STXBP5L: variants seen among roughly 807,000 people sequenced by gnomAD.
STXBP5L encodes the protein syntaxin binding protein 5L, also known as syntaxin-binding protein 5-like.
Under a neutral mutation model 144.5 loss-of-function variants are expected in STXBP5L, and 65 were observed. That is an observed-to-expected ratio of 0.45 (90% CI 0.37 to 0.55). STXBP5L has a LOEUF of 0.55. STXBP5L is among the 20% of genes least tolerant of loss of function. STXBP5L has a pLI of 0.00. For missense variants in STXBP5L, 1,298 were observed against 1,405.5 expected, an observed-to-expected ratio of 0.92 and a Z score of 1.22; for synonymous variants, 505 against 469.6, an observed-to-expected ratio of 1.08 and a Z score of -0.97.
intron 3 of STXBP5L, among the ~76,000 whole-genome samples, chr3:120,971,128 A>C (rs543933294): frequency 6.6e-6 from 1 of 152,260 alleles, no homozygotes; most frequent in Admixed American, 6.6e-5. Flanking sequence ...CAGATTGAGC[A>C]TCTGGGCATT....
chr3:121,326,241 C>T (rs2044141486), intron 20 of STXBP5L, among the ~76,000 whole-genome samples: 5 of 151,920 alleles, frequency 3.3e-5, no homozygotes, highest in Admixed American at 2.6e-4. Flanking sequence ...CCTCTTTACC[C>T]AGTTGTATCT....
intron 19 of STXBP5L, among the ~76,000 whole-genome samples, chr3:121,304,790 CTTGA>C (rs140602499): frequency 0.015 from 2,254 of 151,706 alleles, 57 homozygotes; most frequent in African/African-American, 0.052. Context: ...ATCTAAAGCT[CTTGA>C]TTAAGACATT....
At chr3:121,030,915 A>G (rs1176044307) in intron 3 of STXBP5L, among the ~76,000 whole-genome samples, 2 of 152,162 alleles carry the variant, frequency 1.3e-5, no homozygotes, top group Non-Finnish European at 2.9e-5. Flanking sequence ...ATATTGGGTA[A>G]CTTACTGGGA....
intron 3 of STXBP5L, among the ~76,000 whole-genome samples, chr3:120,955,998 T>C (rs1013696961): frequency 2.0e-5 from 3 of 152,150 alleles, no homozygotes; most frequent in African/African-American, 7.2e-5. Context: ...AATTGGATAA[T>C]ATTCCATGGT....
At chr3:120,976,608 G>C (rs922889890) in intron 3 of STXBP5L, among the ~76,000 whole-genome samples, 1 of 151,850 alleles carries the variant, frequency 6.6e-6, no homozygotes, top group Non-Finnish European at 1.5e-5. Flanking sequence ...GTTTGCTCTT[G>C]CTTTTCTAGT....
chr3:121,335,494 C>A (rs1482592786), intron 20 of STXBP5L, among the ~76,000 whole-genome samples: 3 of 152,036 alleles, frequency 2.0e-5, no homozygotes, highest in East Asian at 3.9e-4. Context: ...ATAACCAAGG[C>A]AATTTTAATC....
intron 20 of STXBP5L, among the ~76,000 whole-genome samples, chr3:121,333,104 G>T (rs778775585): frequency 3.9e-5 from 6 of 152,022 alleles, no homozygotes; most frequent in South Asian, 2.1e-4. Flanking sequence ...TGAAACCAAA[G>T]GTCAATATGC....
intron 3 of STXBP5L, among the ~76,000 whole-genome samples, chr3:120,993,781 A>T (rs75015421): frequency 0.11 from 17,001 of 151,988 alleles, 1,044 homozygotes; most frequent in Non-Finnish European, 0.14. Context: ...TTTGCTACTC[A>T]GGCTCTTTTT....
At chr3:121,007,790 A>T (rs533768543) in intron 3 of STXBP5L, among the ~76,000 whole-genome samples, 1 of 152,008 alleles carries the variant, frequency 6.6e-6, no homozygotes, top group African/African-American at 2.4e-5. Context: ...TAGAAATTGT[A>T]ATGGTCAAAA....
At chr3:121,271,532 C>T (rs1442203043) in intron 18 of STXBP5L, among the ~76,000 whole-genome samples, 1 of 152,120 alleles carries the variant, frequency 6.6e-6, no homozygotes, top group East Asian at 1.9e-4. Context: ...TTGCCTCTAG[C>T]CCCTATCAGT....
chr3:121,090,211 A>C (rs1452928853), intron 5 of STXBP5L, among the ~76,000 whole-genome samples: 1 of 152,062 alleles, frequency 6.6e-6, no homozygotes, highest in African/African-American at 2.4e-5. Flanking sequence ...TGTATTTGAC[A>C]TTGGTCTGGC....
chr3:121,327,704 A>G (rs937790099), intron 20 of STXBP5L, among the ~76,000 whole-genome samples: 1 of 152,210 alleles, frequency 6.6e-6, no homozygotes, highest in Non-Finnish European at 1.5e-5. Context: ...ATTTTAGTGT[A>G]TAATTCTACA....
At chr3:121,039,779 A>C (rs1367175649) in intron 3 of STXBP5L, among the ~76,000 whole-genome samples, 1 of 151,958 alleles carries the variant, frequency 6.6e-6, no homozygotes, top group Non-Finnish European at 1.5e-5. Context: ...ATTACAACTA[A>C]TTAGGCCATT....
intron 2 of STXBP5L, among the ~76,000 whole-genome samples, chr3:120,951,805 G>A (rs1432829635): frequency 6.6e-6 from 1 of 152,106 alleles, no homozygotes; most frequent in African/African-American, 2.4e-5. Context: ...CCATTACGGG[G>A]TATATACCGA....
At chr3:121,337,404 T>C (rs2044544224) in intron 20 of STXBP5L, among the ~76,000 whole-genome samples, 1 of 143,710 alleles carries the variant, frequency 7.0e-6, no homozygotes, top group Admixed American at 7.2e-5. Flanking sequence ...GTTATTCTCA[T>C]GTTAGATAGA....
At chr3:121,371,880 C>T (rs1158719225) in intron 20 of STXBP5L, among the ~76,000 whole-genome samples, 1 of 152,222 alleles carries the variant, frequency 6.6e-6, no homozygotes, top group Non-Finnish European at 1.5e-5. Context: ...AATGCTTCAA[C>T]AACAATGGTG....
chr3:121,017,603 G>A (rs1160463369), intron 3 of STXBP5L, among the ~76,000 whole-genome samples: 1 of 152,152 alleles, frequency 6.6e-6, no homozygotes, highest in Admixed American at 6.5e-5. Context: ...AGGATATGAG[G>A]TTAATATATG....
chr3:121,338,606 A>AAAAAGAGAG (rs1559990724), intron 20 of STXBP5L, among the ~76,000 whole-genome samples: 2 of 149,402 alleles, frequency 1.3e-5, no homozygotes, highest in East Asian at 1.9e-4. Context: ...AAAAAAAAAA[A>AAAAAGAGAG]AAAGAGAGAA....
intron 2 of STXBP5L, among the ~76,000 whole-genome samples, chr3:120,944,666 G>C (rs1049096301): frequency 6.6e-6 from 1 of 151,702 alleles, no homozygotes; most frequent in Non-Finnish European, 1.5e-5. Flanking sequence ...GGTTGTTTAC[G>C]TGAGCAGGTA....
Sources: allele counts gnomAD v4.1 joint callset (sites outside exome capture counted in the v4.1 genomes callset), GRCh38; gene constraint gnomAD v4.1.1; transcripts MANE v1.5; gene names NCBI Gene and HGNC (gene_info 2026-07-23, HGNC 2026-07-21).